The following NECTIN1 variants were observed in gnomAD, a reference collection of about 807,000 sequenced individuals.
NECTIN1 encodes the protein nectin cell adhesion molecule 1.
Under a neutral mutation model 48.0 loss-of-function variants are expected in NECTIN1, and 23 were observed. The ratio of observed to expected loss-of-function variants is 0.48; its 90% confidence interval spans 0.34 to 0.68. The LOEUF (loss-of-function observed/expected upper bound fraction) is 0.68. NECTIN1 is among the 30% of genes least tolerant of loss of function. The pLI is 0.01. For missense variants in NECTIN1, 591 were observed against 709.9 expected (o/e 0.83, Z 1.90); for synonymous variants, 270 against 288.9 (o/e 0.93, Z 0.66).
At chr11:119,674,164 A>G (rs1210739370) in intron 5 of NECTIN1, among the ~76,000 whole-genome samples, 1 of 152,148 alleles carries the variant, frequency 6.6e-6, no homozygotes, top group African/African-American at 2.4e-5. Flanking sequence ...GAGCCCAGCA[A>G]CTGCCGACCA....
At chr11:119,715,834 A>C (rs1244357604) in intron 1 of NECTIN1, among the ~76,000 whole-genome samples, 4 of 152,208 alleles carry the variant, frequency 2.6e-5, no homozygotes, top group Non-Finnish European at 5.9e-5. Context: ...TTCCTGCTTG[A>C]AAGAGCTGAC....
At chr11:119,697,684 G>A (rs1865365005) in intron 1 of NECTIN1, among the ~76,000 whole-genome samples, 1 of 152,226 alleles carries the variant, frequency 6.6e-6, no homozygotes, top group Non-Finnish European at 1.5e-5. Flanking sequence ...GCCAAGTTGT[G>A]TAGCTAAAGG....
In NECTIN1 at chr11:119,664,994, T is replaced by A. The variant is rs760800557; in HGVS notation, c.1307A>T (p.Tyr436Phe). ...CTCCTCCTCCTCCTCCTCCTCCTCA[T>A]AGCTGCTTCCACCCAGTGGGCCGGC... ...KKAGPLGGSS[Y>F]EEEEEEEEGG... The change falls in exon 6 of 6, where the codon TAT (tyrosine) becomes TTT (phenylalanine). Residue 436 changes from tyrosine (Y) to phenylalanine (F), a missense_variant. Transcript: ENST00000264025. 3 of 1,613,632 alleles carry A rather than the reference T, an allele frequency of 1.9e-6. No individual in the cohort carries two copies. In the South Asian group the frequency reaches 3.3e-5, roughly 18 times the overall value.
In NECTIN1 at chr11:119,709,124, G is replaced by A. The variant is rs1047937377; in HGVS notation, c.79+19351C>T. Among the ~76,000 whole-genome samples the A allele has an allele frequency of 7.2e-5, 11 of 152,044 alleles. No individual in the cohort carries two copies. Among genetic ancestry groups the A allele is most frequent in the African/African-American group, 1.2e-4 (5 of 41,384 alleles). ...GATGCCTGGGACCAGAGCGACAGAC[G>A]GTCACCTGACAAGCCACACCACCTA... On this transcript the variant is annotated intron_variant, in intron 1 of 5. Transcript: ENST00000264025. This position sits in a 1 kb window ranked among gnomAD's most constrained non-coding sequence, Gnocchi z 4.1.
At chr11:119,697,942 T>C (rs1261170335) in intron 1 of NECTIN1, among the ~76,000 whole-genome samples, 1 of 152,244 alleles carries the variant, frequency 6.6e-6, no homozygotes, top group Non-Finnish European at 1.5e-5. Context: ...CTCGGTGTCC[T>C]GCCCAGCCTG....
chr11:119,720,049 C>A (rs1865802342), intron 1 of NECTIN1, among the ~76,000 whole-genome samples: 1 of 152,140 alleles, frequency 6.6e-6, no homozygotes, highest in Non-Finnish European at 1.5e-5. Context: ...CAGTGGGGGA[C>A]CAGTTAGGGT....
At chr11:119,657,768 A>ATAATAC (rs1335566819), downstream of NECTIN1, among the ~76,000 whole-genome samples, 3 of 145,800 alleles carry the variant, frequency 2.1e-5, no homozygotes, top group Non-Finnish European at 4.5e-5. Context: ...AATAATAATA[A>ATAATAC]TAATAATACT....
intron 1 of NECTIN1, among the ~76,000 whole-genome samples, chr11:119,705,128 G>T (rs570906267): frequency 6.6e-6 from 1 of 152,252 alleles, no homozygotes; most frequent in African/African-American, 2.4e-5. Flanking sequence ...GAGATGCAGT[G>T]TGTGCTGGCC....
chr11:119,702,780 G>A (rs1865479889), intron 1 of NECTIN1, among the ~76,000 whole-genome samples: 1 of 152,200 alleles, frequency 6.6e-6, no homozygotes, highest in Admixed American at 6.5e-5. Flanking sequence ...GCTGACCCTG[G>A]CATATGATGG....
intron 5 of NECTIN1, among the ~76,000 whole-genome samples, chr11:119,649,482 G>T (rs936417481): frequency 6.6e-6 from 1 of 151,822 alleles, no homozygotes; most frequent in Admixed American, 6.6e-5. Context: ...GAGCTCAGGA[G>T]TTCAAAACAA....
chr11:119,702,463 C>T (rs1315683624), intron 1 of NECTIN1, among the ~76,000 whole-genome samples: 2 of 152,260 alleles, frequency 1.3e-5, no homozygotes, highest in Admixed American at 1.3e-4. Flanking sequence ...CATCTGTGTA[C>T]TGCTAGGCTA....
intron 5 of NECTIN1, among the ~76,000 whole-genome samples, chr11:119,647,160 C>T (rs866169865): frequency 2.8e-5 from 2 of 71,304 alleles, no homozygotes; most frequent in African/African-American, 1.0e-4. Context: ...GCTTGCGGCG[C>T]ATGTGTGTGT....
At chr11:119,648,295 GTGGTGGTGGTGA>G (rs1864432515) in intron 5 of NECTIN1, among the ~76,000 whole-genome samples, 4 of 9,654 alleles carry the variant, frequency 4.1e-4, no homozygotes, top group African/African-American at 1.2e-3. Context: ...GGTGATGGTG[GTGGTGGTGGTGA>G]TGGTGGTGAT....
chr11:119,660,858 C>T (rs1245343051), downstream of NECTIN1: 1 of 350,408 alleles, frequency 2.9e-6, no homozygotes, highest in Non-Finnish European at 4.0e-6. Context: ...GCTCCTGCTC[C>T]TCTGGAACCC....
chr11:119,644,322 G>A (rs139276988), intron 5 of NECTIN1, among the ~76,000 whole-genome samples: 4 of 152,316 alleles, frequency 2.6e-5, no homozygotes, highest in African/African-American at 9.6e-5. Flanking sequence ...TGGATTCACT[G>A]AGGCCTCGTG....
At chr11:119,638,326 A>G in intron 7 of NECTIN1, 3 of 1,558,270 alleles carry the variant, frequency 1.9e-6, no homozygotes, top group Non-Finnish European at 2.6e-6. Flanking sequence ...TCCCAGTTGG[A>G]TTGGGACTCC....
intron 1 of NECTIN1, among the ~76,000 whole-genome samples, chr11:119,715,602 C>T (rs1231804118): frequency 1.3e-5 from 2 of 152,248 alleles, no homozygotes; most frequent in East Asian, 1.9e-4. Context: ...GTTATCTACC[C>T]GCCTCGGCCT....
intron 1 of NECTIN1, among the ~76,000 whole-genome samples, chr11:119,726,219 C>T (rs574633224): frequency 1.3e-5 from 2 of 152,180 alleles, no homozygotes; most frequent in Non-Finnish European, 2.9e-5. Context: ...CCTAGAGAGA[C>T]GCTATAGCGG....
At chr11:119,688,695 A>G (rs1865203381) in intron 1 of NECTIN1, among the ~76,000 whole-genome samples, 3 of 152,012 alleles carry the variant, frequency 2.0e-5, no homozygotes, top group African/African-American at 2.4e-5. Context: ...TGCAGAGAGG[A>G]GTGGGAAACA....
Sources: allele counts gnomAD v4.1 joint callset (sites outside exome capture counted in the v4.1 genomes callset), GRCh38; gene constraint gnomAD v4.1.1; non-coding constraint Gnocchi (gnomAD v3.1); transcripts MANE v1.5; gene names NCBI Gene and HGNC (gene_info 2026-07-23, HGNC 2026-07-21).